MYO18B: variants seen among roughly 807,000 people sequenced by gnomAD.
MYO18B encodes the protein unconventional myosin-XVIIIb.
MYO18B carries 204 observed loss-of-function variants against 273.0 expected under a neutral mutation model. That is an observed-to-expected ratio of 0.75 (90% CI 0.67 to 0.84). MYO18B has a LOEUF of 0.84. Among genes scored for constraint, MYO18B ranks in the 40% least tolerant of loss-of-function variants. The probability of loss-of-function intolerance (pLI) is 0.00; values close to 1 mark genes in which losing one functional copy is unlikely to be tolerated. For synonymous variants in MYO18B, 1,330 were observed against 1,305.7 expected (o/e 1.02, Z -0.40); for missense variants, 3,212 against 3,287.6 (o/e 0.98, Z 0.56).
chr22:26,036,417 CT>C, the MYO18B span, among the ~76,000 whole-genome samples: 7 of 152,138 alleles, frequency 4.6e-5, no homozygotes, highest in Non-Finnish European at 1.0e-4. Context: ...AACATCACTT[CT>C]AAGAGACAGT....
Position 25,828,815 on chromosome 22 carries a change from G to C in MYO18B, c.2826G>C (p.Met942Ile), listed in dbSNP as rs533272548. The C allele has an allele frequency of 9.3e-6, 15 of 1,613,874 alleles. No individual in the cohort carries two copies. The African/African-American group carries it at 2.0e-4, about 22-fold the overall frequency. ...SSHHLSMASI[M>I]VVDSPGFQNP... ...ACCATCTCTCCATGGCCTCCATCAT[G>C]GTGGTGGACTCTCCAGGCTTCCAGA... is the stretch of plus-strand genomic sequence containing the variant. Residue 942 changes from methionine (M) to isoleucine (I), a missense_variant, in exon 15 of 44, where the codon ATG becomes ATC. Transcript: ENST00000335473.
intron 1 of MYO18B, among the ~76,000 whole-genome samples, chr22:25,753,961 A>G (rs1420982193): frequency 6.6e-6 from 1 of 152,230 alleles, no homozygotes; most frequent in East Asian, 1.9e-4. Context: ...CTCTTTTGGA[A>G]CTATTGGCTT....
chr22:25,942,884 C>T (rs149738533), intron 34 of MYO18B, among the ~76,000 whole-genome samples: 11 of 152,094 alleles, frequency 7.2e-5, no homozygotes, highest in South Asian at 2.1e-4. Context: ...GGGGATAAGT[C>T]GTCCCTCTCT....
At chr22:25,979,938 C>T (rs962417388) in intron 39 of MYO18B, among the ~76,000 whole-genome samples, 2 of 152,144 alleles carry the variant, frequency 1.3e-5, no homozygotes, top group Non-Finnish European at 2.9e-5. Flanking sequence ...AAAGCCCCTT[C>T]CTCACCATTG....
intron 39 of MYO18B, chr22:25,959,291 A>C (rs1195130285): frequency 7.3e-6 from 1 of 136,950 alleles, no homozygotes; most frequent in Non-Finnish European, 1.5e-5. Flanking sequence ...TTTTTTTTTA[A>C]ATTGAGACAG....
At chr22:25,874,228 C>CCG in intron 22 of MYO18B, 58 bp from the exon 23 acceptor site, 1 of 1,604,940 alleles carries the variant, frequency 6.2e-7, no homozygotes. Flanking sequence ...CAAGCACCCC[C>CCG]CCATTGTAGA....
chr22:25,778,504 G>T (rs923315630), intron 8 of MYO18B, among the ~76,000 whole-genome samples: 2 of 151,916 alleles, frequency 1.3e-5, no homozygotes, highest in Admixed American at 6.6e-5. Context: ...TATTGAGACG[G>T]GGTCTCACTC....
At chr22:25,821,997 C>G (rs532179495) in intron 12 of MYO18B, among the ~76,000 whole-genome samples, 113 of 152,282 alleles carry the variant, frequency 7.4e-4, no homozygotes, top group African/African-American at 2.5e-3. Context: ...ATTTTCTAAT[C>G]TGCTTTTCAC....
At chr22:25,984,767 C>A (rs1259677800) in intron 39 of MYO18B, among the ~76,000 whole-genome samples, 1 of 151,602 alleles carries the variant, frequency 6.6e-6, no homozygotes, top group African/African-American at 2.4e-5. Context: ...ACTGCACTCT[C>A]CAGTCTGGGC....
At chr22:26,016,685 G>A (rs542389247) in intron 42 of MYO18B, among the ~76,000 whole-genome samples, 5 of 152,234 alleles carry the variant, frequency 3.3e-5, no homozygotes, top group African/African-American at 9.6e-5. Flanking sequence ...CTTTCTTTGA[G>A]GCAGTCCTGA....
At chr22:25,940,257 G>A (rs2092628490) in intron 34 of MYO18B, among the ~76,000 whole-genome samples, 1 of 150,066 alleles carries the variant, frequency 6.7e-6, no homozygotes, top group South Asian at 2.1e-4. Context: ...TCTTTCCCAT[G>A]CTGGTCTTGT....
intron 42 of MYO18B, among the ~76,000 whole-genome samples, chr22:26,019,095 T>G (rs1935603425): frequency 6.6e-6 from 1 of 152,186 alleles, no homozygotes; most frequent in Non-Finnish European, 1.5e-5. Context: ...TCCATGGTTT[T>G]TTTCCAGACT....
chr22:25,823,614 GATC>G lies in MYO18B; in HGVS notation c.2635_2637del (p.Ile879del). On this transcript the variant is annotated inframe_deletion, in exon 13 of 44. Transcript: ENST00000335473. Reference sequence around the variant, plus strand: ...CCACCTTCAAGCACCACCTTCGACAGATCATCCAGCAAATGACGTTTGGGCCAA... The same window carrying G: ...CCACCTTCAAGCACCACCTTCGACAGATCCAGCAAATGACGTTTGGGCCAA... 6.2e-7 allele frequency: 1 copy of G among 1,613,974 alleles called. No homozygotes were observed. Among genetic ancestry groups the G allele is most frequent in the Non-Finnish European group, 8.5e-7 (1 of 1,179,880 alleles).
At chr22:25,888,514 A>C (rs1401609011) in intron 25 of MYO18B, among the ~76,000 whole-genome samples, 1 of 152,172 alleles carries the variant, frequency 6.6e-6, no homozygotes, top group Non-Finnish European at 1.5e-5. Flanking sequence ...CTCCTACCTC[A>C]GCCTGTCAAA....
the MYO18B span, among the ~76,000 whole-genome samples, chr22:26,062,949 G>A: frequency 1.1e-4 from 17 of 152,282 alleles, no homozygotes; most frequent in South Asian, 4.2e-4. Context: ...TCCAAAGCCA[G>A]GTCGCAGTCT....
At chr22:25,760,304 A>G (rs747314545) in intron 1 of MYO18B, among the ~76,000 whole-genome samples, 6 of 147,574 alleles carry the variant, frequency 4.1e-5, no homozygotes, top group African/African-American at 1.3e-4. Flanking sequence ...AATCCCAGCT[A>G]CTCGGGTGGC....
At chr22:25,995,123 C>T (rs909120715) in intron 40 of MYO18B, among the ~76,000 whole-genome samples, 4 of 152,230 alleles carry the variant, frequency 2.6e-5, no homozygotes, top group Non-Finnish European at 2.9e-5. Flanking sequence ...GAATGAGATT[C>T]GGTCATTTGC....
chr22:25,814,737 T>G lies in MYO18B; in HGVS notation c.2522-8768T>G, dbSNP rs147239909. Among the ~76,000 whole-genome samples, 79 of 152,238 alleles carry G rather than the reference T, an allele frequency of 5.2e-4. 3 individuals carry two copies. In the Middle Eastern group the frequency reaches 0.01, roughly 20 times the overall value. ...AGCATAACAATACTAGCAATAACAA[T>G]GACAGTGGCGATGATGATGGAATGA... On this transcript the variant is annotated intron_variant, in intron 12 of 43. Transcript: ENST00000335473.
chr22:25,794,190 C>T (rs1387836946), intron 11 of MYO18B, among the ~76,000 whole-genome samples: 2 of 151,928 alleles, frequency 1.3e-5, no homozygotes, highest in Non-Finnish European at 2.9e-5. Flanking sequence ...CCTCAGCCTC[C>T]CAAAATGCTG....
Sources: gnomAD v4.1 joint callset for allele counts (sites outside exome capture counted in the v4.1 genomes callset) on GRCh38, gnomAD v4.1.1 for gene constraint, MANE v1.5 for transcripts, NCBI Gene and HGNC (gene_info 2026-07-23, HGNC 2026-07-21) for gene names.